PACSIN2: variants seen among roughly 807,000 people sequenced by gnomAD.
The protein encoded by PACSIN2 is protein kinase C and casein kinase substrate in neurons protein 2.
A neutral mutation model predicts 63.8 loss-of-function variants in PACSIN2; 25 were observed. The ratio of observed to expected loss-of-function variants is 0.39; its 90% CI spans 0.29 to 0.55. PACSIN2 has a LOEUF of 0.55. PACSIN2 is among the 20% of genes least tolerant of loss of function. PACSIN2 has a pLI of 0.62. For synonymous variants in PACSIN2, 255 were observed against 256.2 expected, an observed-to-expected ratio of 1.00 and a Z score of 0.05; for missense variants, 518 against 646.9, an observed-to-expected ratio of 0.80 and a Z score of 2.16.
intron 1 of PACSIN2, among the ~76,000 whole-genome samples, chr22:42,975,808 A>C (rs1250117856): frequency 6.6e-6 from 1 of 152,146 alleles, no homozygotes; most frequent in Admixed American, 6.5e-5. Flanking sequence ...GTATGTTCCA[A>C]AACTTATATA....
intron 1 of PACSIN2, among the ~76,000 whole-genome samples, chr22:43,001,026 G>T (rs1923733241): frequency 6.6e-6 from 1 of 152,198 alleles, no homozygotes; most frequent in Non-Finnish European, 1.5e-5. Flanking sequence ...CAGCCCTTGG[G>T]CCCCGTCCGA....
intron 1 of PACSIN2, among the ~76,000 whole-genome samples, chr22:42,983,489 CAAAAA>C (rs775403003): frequency 1.2e-5 from 1 of 82,296 alleles, no homozygotes; most frequent in Non-Finnish European, 2.4e-5. Flanking sequence ...GACTCCATCT[CAAAAA>C]AAAAAAAAAA....
rs75386654 is a variant in PACSIN2 at position 42,940,201 on chromosome 22, C to T, written c.-77-28044G>A. 2.2e-4 allele frequency among the ~76,000 whole-genome samples: 33 copies of T among 152,238 alleles called. 3 individuals are homozygous for T. In the East Asian group the frequency reaches 5.8e-3, roughly 27 times the overall value. ...AGTAAAACCAAGTGGAAAGCATGCA[C>T]GGGCTTAAAAACTCAAACTCCTTAA... is the stretch of plus-strand genomic sequence containing the variant. On this transcript the variant is annotated intron_variant, in intron 1 of 10. Transcript: ENST00000263246.
intron 1 of PACSIN2, among the ~76,000 whole-genome samples, chr22:42,958,671 GAAA>G (rs901750213): frequency 6.6e-6 from 1 of 152,144 alleles, no homozygotes; most frequent in Non-Finnish European, 1.5e-5. Context: ...GGGGTTTCTA[GAAA>G]CCTTTCCTAT....
At chr22:42,963,490 G>T (rs1478624739) in intron 1 of PACSIN2, among the ~76,000 whole-genome samples, 2 of 152,214 alleles carry the variant, frequency 1.3e-5, no homozygotes, top group Non-Finnish European at 2.9e-5. Flanking sequence ...AGCCTAGCAG[G>T]ACTCAAAGAC....
At chr22:42,941,410 G>A (rs531480878) in intron 1 of PACSIN2, among the ~76,000 whole-genome samples, 6 of 152,310 alleles carry the variant, frequency 3.9e-5, no homozygotes, top group South Asian at 2.1e-4. Flanking sequence ...TAGATACCTA[G>A]GAGTAGAACT....
chr22:42,994,356 A>T (rs1174547057), intron 1 of PACSIN2, among the ~76,000 whole-genome samples: 1 of 152,198 alleles, frequency 6.6e-6, no homozygotes, highest in Admixed American at 6.5e-5. Flanking sequence ...CCAGAAAATA[A>T]GCATGAACTT....
intron 8 of PACSIN2, 90 bp downstream of exon 8, chr22:42,878,958 G>A: frequency 1.4e-6 from 2 of 1,430,396 alleles, no homozygotes; most frequent in Non-Finnish European, 1.9e-6. Flanking sequence ...CCTCCCAGGT[G>A]TCCAGGCCGG....
intron 8 of PACSIN2, among the ~76,000 whole-genome samples, chr22:42,878,290 G>A (rs1350214473): frequency 2.0e-5 from 3 of 152,216 alleles, no homozygotes. Flanking sequence ...GCAAAGCAGC[G>A]GAATGACGAC....
At chr22:42,885,380 C>T (rs925867333) in intron 5 of PACSIN2, among the ~76,000 whole-genome samples, 2 of 152,058 alleles carry the variant, frequency 1.3e-5, no homozygotes, top group East Asian at 3.9e-4. Context: ...GTGTTGTCCC[C>T]CTGGGGTGGG....
At chr22:43,010,417 T>C (rs1216994407) in intron 1 of PACSIN2, among the ~76,000 whole-genome samples, 1 of 143,312 alleles carries the variant, frequency 7.0e-6, no homozygotes, top group Admixed American at 7.2e-5. Context: ...TAATTGAAAA[T>C]AAAAAAGACC....
At chr22:42,957,092 C>G (rs575678320) in intron 1 of PACSIN2, among the ~76,000 whole-genome samples, 1 of 150,112 alleles carries the variant, frequency 6.7e-6, no homozygotes, top group Admixed American at 6.5e-5. Flanking sequence ...CCTGCAGCCC[C>G]ACTTCTTCTC....
intron 1 of PACSIN2, among the ~76,000 whole-genome samples, chr22:42,973,017 A>T (rs955783343): frequency 1.3e-5 from 2 of 152,228 alleles, no homozygotes; most frequent in African/African-American, 4.8e-5. Flanking sequence ...ATTTATCATG[A>T]CTTTTATGGC....
intron 6 of PACSIN2, among the ~76,000 whole-genome samples, chr22:42,883,874 C>G (rs1302535292): frequency 6.6e-6 from 1 of 152,162 alleles, no homozygotes; most frequent in African/African-American, 2.4e-5. Context: ...TGTGGTGGCG[C>G]ATGCCTGTAA....
chr22:42,877,561 G>A (rs955183187), intron 8 of PACSIN2, among the ~76,000 whole-genome samples: 3 of 152,210 alleles, frequency 2.0e-5, no homozygotes, highest in African/African-American at 7.2e-5. Flanking sequence ...AGGGCCTGCG[G>A]CACCGTCTTT....
At chr22:42,980,481 TCTCCCCCTCCCC>T (rs565347188) in intron 1 of PACSIN2, among the ~76,000 whole-genome samples, 1 of 132,620 alleles carries the variant, frequency 7.5e-6, no homozygotes. Context: ...TCCCTCTCCC[TCTCCCCCTCCCC>T]CTCCCCCTCT....
chr22:42,900,442 A>G (rs1442250298), intron 2 of PACSIN2, among the ~76,000 whole-genome samples: 1 of 152,180 alleles, frequency 6.6e-6, no homozygotes, highest in African/African-American at 2.4e-5. Context: ...AATGCTAGCC[A>G]GGGGATACTA....
chr22:42,949,337 A>G (rs540880838), intron 1 of PACSIN2, among the ~76,000 whole-genome samples: 3 of 152,072 alleles, frequency 2.0e-5, no homozygotes, highest in Admixed American at 6.6e-5. Context: ...GGCAACTCCC[A>G]CCCCACACAG....
intron 1 of PACSIN2, among the ~76,000 whole-genome samples, chr22:42,990,057 CACATATGTGTGTATATATATGTGTGTGT>C (rs1922939617): frequency 1.3e-5 from 1 of 78,946 alleles, no homozygotes; most frequent in Non-Finnish European, 2.5e-5. Flanking sequence ...TATATACACA[CACATATGTGTGTATATATATGTGTGTGT>C]ATATATGTAA....
Sources: gnomAD v4.1 joint callset for allele counts (sites outside exome capture counted in the v4.1 genomes callset) on GRCh38, gnomAD v4.1.1 for gene constraint, MANE v1.5 for transcripts, NCBI Gene and HGNC (gene_info 2026-07-23, HGNC 2026-07-21) for gene names.